The following NIPSNAP3A variants were observed in gnomAD, a reference collection of about 807,000 sequenced individuals.
NIPSNAP3A encodes the protein nipsnap homolog 3A.
A neutral mutation model predicts 32.3 loss-of-function variants in NIPSNAP3A; 27 were observed. The observed-to-expected ratio is 0.84, with a 90% confidence interval of 0.62 to 1.15. The LOEUF (loss-of-function observed/expected upper bound fraction) is 1.15. Among genes scored for constraint, NIPSNAP3A ranks in the 50% most tolerant of loss-of-function variants. The probability of loss-of-function intolerance (pLI) is 0.00; values close to 1 mark genes in which losing one functional copy is unlikely to be tolerated. For missense variants in NIPSNAP3A, 278 were observed against 297.2 expected (o/e 0.94, Z 0.48); for synonymous variants, 108 against 107.3 (o/e 1.01, Z -0.04).
At chr9:104,758,717 T>C (rs1158854484) in intron 4 of NIPSNAP3A, among the ~76,000 whole-genome samples, 1 of 151,320 alleles carries the variant, frequency 6.6e-6, no homozygotes, top group Non-Finnish European at 1.5e-5. Flanking sequence ...CTCAGCACTT[T>C]GGGAGGCTAA....
chr9:104,749,350 A>G (rs1827818391), intron 1 of NIPSNAP3A, among the ~76,000 whole-genome samples: 2 of 152,352 alleles, frequency 1.3e-5, no homozygotes, highest in East Asian at 3.9e-4. Flanking sequence ...AGCAATAAGA[A>G]TATAAGTCAC....
chr9:104,750,937 T>C lies in NIPSNAP3A; in HGVS notation c.61-19T>C. 1.3e-6 allele frequency: 2 copies of C among 1,562,904 alleles called. No homozygotes were observed. The highest frequency in any genetic ancestry group is 1.1e-5 in the South Asian group (1 of 89,984). On this transcript the variant is annotated intron_variant, in intron 1 of 5. Transcript: ENST00000374767. ...ATCCTGTCTTCTCAAGATATTTACA[T>C]TTGTCTTATCTTCTTCAGATGTGCT...
chr9:104,750,109 A>G (rs1318623459), intron 1 of NIPSNAP3A, among the ~76,000 whole-genome samples: 1 of 152,244 alleles, frequency 6.6e-6, no homozygotes, highest in Non-Finnish European at 1.5e-5. Context: ...GTTTTCTTCT[A>G]GTAAACATTT....
Position 104,759,462 on chromosome 9 carries a change from T to G in NIPSNAP3A, c.*124T>G. 1.1e-6 allele frequency: 1 copy of G among 923,022 alleles called. No individual in the cohort carries two copies. The highest frequency in any genetic ancestry group is 1.7e-6 in the Non-Finnish European group (1 of 592,368). The allele number at this position is 923,022 out of a possible 1,614,324, so 57.2% of individuals were successfully genotyped here. A position where few individuals can be genotyped will look rare whatever the true frequency, so the allele number is the denominator to read the frequency against. ...AGGTGTTAAGTTAATTTGCTATGTTTCTTGCATTATGAAGGCTACATCTGT... is the reference window on the plus strand; with the variant it reads ...AGGTGTTAAGTTAATTTGCTATGTTGCTTGCATTATGAAGGCTACATCTGT... On this transcript the variant is annotated 3_prime_UTR_variant, in exon 6 of 6. Coordinates refer to ENST00000374767, the MANE Select transcript of NIPSNAP3A (RefSeq NM_015469.3).
rs1477565699 is a variant in NIPSNAP3A at position 104,754,532 on chromosome 9, C to A, written c.431-19C>A. The A allele has an allele frequency of 8.7e-6, 14 of 1,611,768 alleles. No homozygotes were observed. Among genetic ancestry groups the A allele is most frequent in the Non-Finnish European group, 1.2e-5 (14 of 1,178,958 alleles). ...TTGCTTGAATGTTTTCTGAAAAATT[C>A]TTTTTCTCCCTATTCCAGGAGTCTA... On this transcript the variant is annotated intron_variant, in intron 3 of 5. Coordinates refer to ENST00000374767, the MANE Select transcript of NIPSNAP3A (RefSeq NM_015469.3).
intron 4 of NIPSNAP3A, among the ~76,000 whole-genome samples, 159 bp downstream of exon 4, chr9:104,754,859 T>G (rs1383162055): frequency 6.6e-6 from 1 of 152,254 alleles, no homozygotes; most frequent in African/African-American, 2.4e-5. Context: ...GTTTTACATC[T>G]TATTTATTTA....
intron 4 of NIPSNAP3A, 114 bp from the exon 5 acceptor site, chr9:104,758,971 C>CAAAAAAA (rs34457398): frequency 2.6e-4 from 104 of 402,434 alleles, no homozygotes; most frequent in East Asian, 6.1e-4. Context: ...ACTCTTGTTT[C>CAAAAAAA]AAAAAAAAAA....
At chr9:104,759,032 C>A in intron 4 of NIPSNAP3A, 53 bp from the exon 5 acceptor site, 6 of 626,226 alleles carry the variant, frequency 9.6e-6, no homozygotes, top group South Asian at 3.1e-5. Context: ...TCTGTTATTT[C>A]TTATTTGTTA....
Position 104,759,181 on chromosome 9 carries a change from T to C in NIPSNAP3A, c.667+10T>C. The C allele has an allele frequency of 6.2e-7, 1 of 1,613,810 alleles. No individual in the cohort carries two copies. Among genetic ancestry groups the C allele is most frequent in the Admixed American group, 1.7e-5 (1 of 59,990 alleles). On this transcript the variant is annotated intron_variant, in intron 5 of 5. Transcript: ENST00000374767. ...AGAGTTGTGGCAGCTGGTAAGCTGT[T>C]TGACTAGGCATGAATTATTTTTAGA... is the stretch of plus-strand genomic sequence containing the variant.
Position 104,754,557 on chromosome 9 carries a change from A to G in NIPSNAP3A, c.437A>G (p.Tyr146Cys), listed in dbSNP as rs1251208235. The change falls in exon 4 of 6, where the codon TAT becomes TGT. Residue 146 changes from tyrosine to cysteine, a missense_variant. Transcript: ENST00000374767. ...CTTTTTCTCCCTATTCCAGGAGTCT[A>G]TGAACTGGCCACTTTTCAGATGAAA... ...KLEKPPKEGV[Y>C]ELATFQMKPG... is the part of the protein sequence containing the mutation. 1 of 1,613,966 alleles carries G rather than the reference A, an allele frequency of 6.2e-7. No individual in the cohort carries two copies. The highest frequency in any genetic ancestry group is 1.1e-5 in the South Asian group (1 of 91,072).
At chr9:104,751,784 T>C (rs1827851461) in intron 2 of NIPSNAP3A, among the ~76,000 whole-genome samples, 2 of 152,118 alleles carry the variant, frequency 1.3e-5, no homozygotes, top group African/African-American at 4.8e-5. Context: ...CATACTACTC[T>C]AGGGAGGTAA....
At chr9:104,747,875 A>G (rs1365953342) in intron 1 of NIPSNAP3A, 23 bp downstream of exon 1, 5 of 1,585,302 alleles carry the variant, frequency 3.2e-6, no homozygotes, top group Non-Finnish European at 4.3e-6. Flanking sequence ...GGGGTACCCA[A>G]GCCTTCACCC....
intron 1 of NIPSNAP3A, 55 bp downstream of exon 1, chr9:104,747,907 C>G (rs201501034): frequency 2.0e-5 from 14 of 693,402 alleles, no homozygotes; most frequent in Non-Finnish European, 3.0e-5. Flanking sequence ...AGGGGCGGGG[C>G]GGGGAGTGTT....
intron 3 of NIPSNAP3A, among the ~76,000 whole-genome samples, chr9:104,753,345 T>A (rs1276996000): frequency 1.3e-5 from 2 of 152,186 alleles, no homozygotes; most frequent in African/African-American, 4.8e-5. Context: ...GGTTGAGAAT[T>A]TGTGCATTGG....
chr9:104,751,855 G>A (rs1239656776), intron 2 of NIPSNAP3A, among the ~76,000 whole-genome samples: 1 of 152,184 alleles, frequency 6.6e-6, no homozygotes, highest in Non-Finnish European at 1.5e-5. Context: ...TGGTTTAGTA[G>A]AGGAAGGAGA....
chr9:104,754,665 G>A lies in NIPSNAP3A; in HGVS notation c.545G>A (p.Gly182Glu), dbSNP rs1427731324. The stretch of plus-strand genomic sequence containing the variant: ...AATCTAGGCTACACAAAACTAGTTG[G>A]AGTGTTCCACACAGAGTACGGAGCA... ...HVNLGYTKLV[G>E]VFHTEYGALN... The change falls in exon 4 of 6, where the codon GGA becomes GAA. Residue 182 changes from glycine to glutamate, a missense_variant. By Grantham distance (98) the Gly-to-Glu change is moderately conservative (BLOSUM62 -2). Coordinates refer to ENST00000374767, the MANE Select transcript of NIPSNAP3A (RefSeq NM_015469.3). 2 of 1,613,824 alleles carry A rather than the reference G, an allele frequency of 1.2e-6. No homozygotes were observed. Among genetic ancestry groups the A allele is most frequent in the Admixed American group, 3.3e-5 (2 of 60,000 alleles).
At chr9:104,756,962 C>T (rs989504946) in intron 4 of NIPSNAP3A, among the ~76,000 whole-genome samples, 1 of 151,752 alleles carries the variant, frequency 6.6e-6, no homozygotes, top group East Asian at 1.9e-4. Context: ...TGCCACCATG[C>T]CCAGCTAATT....
At chr9:104,751,315 C>A in intron 2 of NIPSNAP3A, 149 bp downstream of exon 2, 1 of 751,574 alleles carries the variant, frequency 1.3e-6, no homozygotes, top group Non-Finnish European at 2.3e-6. Context: ...AAAAGCAATA[C>A]CAAAAAAATA....
chr9:104,751,195 G>A (rs186265112), intron 2 of NIPSNAP3A, 29 bp downstream of exon 2: 1 of 1,568,120 alleles, frequency 6.4e-7, no homozygotes, highest in Admixed American at 1.7e-5. Flanking sequence ...TTGGCTTTCA[G>A]TATAGATTTT....
Sources: allele counts gnomAD v4.1 joint callset (sites outside exome capture counted in the v4.1 genomes callset), GRCh38; gene constraint gnomAD v4.1.1; transcripts MANE v1.5; gene names NCBI Gene and HGNC (gene_info 2026-07-23, HGNC 2026-07-21).